Variants in CHD8 observed in about 807,000 individuals in gnomAD.
CHD8 encodes ATP-dependent chromatin remodeler CHD8.
A neutral mutation model predicts 279.2 loss-of-function variants in CHD8; 31 were observed. The observed-to-expected ratio is 0.11, with a 90% CI of 0.08 to 0.15. The LOEUF (loss-of-function observed/expected upper bound fraction) is 0.15. Ranked by LOEUF, CHD8 falls within the 10% of genes least tolerant of loss-of-function variation. The probability of loss-of-function intolerance (pLI) is 1.00; values close to 1 mark genes in which losing one functional copy is unlikely to be tolerated. For missense variants in CHD8, 2,146 were observed against 3,230.5 expected (o/e 0.66, Z 8.14); for synonymous variants, 1,081 against 1,139.6 (o/e 0.95, Z 1.04).
At chr14:21,387,809 CAAA>C (rs34063784) in intron 37 of CHD8, among the ~76,000 whole-genome samples, 26 of 76,148 alleles carry the variant, frequency 3.4e-4, no homozygotes, top group Non-Finnish European at 3.6e-4. Flanking sequence ...CTGTCTCAAG[CAAA>C]AAAAAAAAAA....
At chr14:21,409,256 C>T (rs1009289656) in intron 11 of CHD8, among the ~76,000 whole-genome samples, 8 of 152,136 alleles carry the variant, frequency 5.3e-5, no homozygotes, top group African/African-American at 1.9e-4. Flanking sequence ...ACATAAGGGA[C>T]AGAGAACATG....
intron 1 of CHD8, 78 bp from the exon 2 acceptor site, chr14:21,431,936 T>A: frequency 1.2e-6 from 1 of 854,576 alleles, no homozygotes. Context: ...TCTTACGTAC[T>A]GTTCTTAATA....
intron 1 of CHD8, among the ~76,000 whole-genome samples, chr14:21,447,373 C>T (rs1890151594): frequency 5.7e-5 from 8 of 141,312 alleles, no homozygotes; most frequent in Admixed American, 7.1e-5. Context: ...CACTATATCC[C>T]TTTTTTTTTT....
At position 21,405,332 on chromosome 14, in the gene CHD8, G is replaced by A. The variant is rs756137051; in HGVS notation, c.3184C>T (p.Arg1062Trp). The part of the protein sequence containing the change: ...ELTNIQKKYY[R>W]AILEKNFSFL... ...GAGAAATTCTTCTCCAAAATAGCCC[G>A]ATAGTATTTCTTCTGGATATTAGTC... is the stretch of plus-strand genomic sequence containing the variant. Residue 1062 changes from arginine to tryptophan, a missense_variant, in exon 16 of 38, where the codon CGG becomes TGG. By Grantham distance (101) the Arg-to-Trp change is moderately radical (BLOSUM62 -3). Coordinates refer to ENST00000646647, the MANE Select transcript of CHD8 (RefSeq NM_001170629.2). This position sits in a 1 kb window ranked among gnomAD's most constrained non-coding sequence, Gnocchi z 4.2. 1 of 1,608,578 alleles carries A rather than the reference G, an allele frequency of 6.2e-7. No homozygotes were observed. The highest frequency in any genetic ancestry group is 8.5e-7 in the Non-Finnish European group (1 of 1,177,036).
At chr14:21,422,329 CAAAA>C (rs1423529770) in intron 5 of CHD8, among the ~76,000 whole-genome samples, 1 of 150,612 alleles carries the variant, frequency 6.6e-6, no homozygotes, top group African/African-American at 2.4e-5. Context: ...GACCCTGTCT[CAAAA>C]AAAAGAAAAA....
intron 37 of CHD8, among the ~76,000 whole-genome samples, chr14:21,387,638 C>CAAA (rs34278173): frequency 7.3e-5 from 5 of 68,496 alleles, no homozygotes; most frequent in African/African-American, 1.8e-4. Flanking sequence ...AACTCTGTAT[C>CAAA]AAAAAAAAAA....
At chr14:21,390,907 T>C (rs778148688) in intron 37 of CHD8, 40 bp downstream of exon 37, 21 of 925,556 alleles carry the variant, frequency 2.3e-5, no homozygotes, top group Non-Finnish European at 3.5e-5. Context: ...ATCTCACATC[T>C]AGTGTGGGAA....
At chr14:21,412,204 G>A (rs1191420530) in intron 10 of CHD8, among the ~76,000 whole-genome samples, 1 of 152,092 alleles carries the variant, frequency 6.6e-6, no homozygotes, top group African/African-American at 2.4e-5. Flanking sequence ...GGAGTGCAAT[G>A]GCATGATCTT....
intron 1 of CHD8, among the ~76,000 whole-genome samples, chr14:21,452,055 G>C (rs988014700): frequency 6.6e-6 from 1 of 152,078 alleles, no homozygotes; most frequent in African/African-American, 2.4e-5. Flanking sequence ...TTTTGTTGTT[G>C]TTTTGAGACA....
chr14:21,395,959 T>C, intron 27 of CHD8, 67 bp from the exon 28 acceptor site: 2 of 1,013,602 alleles, frequency 2.0e-6, no homozygotes, highest in Non-Finnish European at 3.1e-6. Context: ...GAACCTAGGA[T>C]GAAGACCTAG....
chr14:21,431,326 G>C lies in CHD8; in HGVS notation c.318C>G (p.Ala106=). ...TTQPASQEQP[A]QPVLQTSTPT... is the part of the protein sequence containing the mutation. ...GCGTCGATGTCTGTAAGACAGGTTG[G>C]GCTGGCTGCTCCTGGCTGGCAGGCT... Residue 106 remains alanine (A), a synonymous_variant, in exon 2 of 38, where the codon GCC becomes GCG. Coordinates refer to ENST00000646647, the MANE Select transcript of CHD8 (RefSeq NM_001170629.2). 6.5e-7 allele frequency: 1 copy of C among 1,544,398 alleles called. No homozygotes were observed. The highest frequency in any genetic ancestry group is 8.7e-7 in the Non-Finnish European group (1 of 1,151,184).
At position 21,394,988 on chromosome 14, in the gene CHD8, G is replaced by A. The variant is rs1286064384; in HGVS notation, c.5314C>T (p.Arg1772Cys). The A allele has an allele frequency of 8.1e-6, 13 of 1,613,860 alleles. No homozygotes were observed. Among genetic ancestry groups the A allele is most frequent in the East Asian group, 2.2e-5 (1 of 44,892 alleles). Residue 1772 changes from arginine to cysteine, a missense_variant, in exon 30 of 38, where the codon CGT becomes TGT. Arg to Cys is a radical substitution (Grantham distance 180). Transcript: ENST00000646647. ...REQMKIEAAE[R>C]GDRRRRRCEA... Reference sequence around the variant, plus strand: ...CAACGCCGCCTTCGCCGGTCCCCACGTTCTGCAGCCTCTATCTTCATTTGT... The same window carrying A: ...CAACGCCGCCTTCGCCGGTCCCCACATTCTGCAGCCTCTATCTTCATTTGT...
At chr14:21,399,372 A>G in intron 26 of CHD8, 1 of 507,426 alleles carries the variant, frequency 2.0e-6, no homozygotes, top group South Asian at 2.1e-5. Context: ...ATTAGAGAAC[A>G]GATGGGAGGC....
intron 4 of CHD8, 116 bp downstream of exon 4, chr14:21,427,753 T>G (rs1889390026): frequency 2.0e-6 from 3 of 1,523,966 alleles, no homozygotes; most frequent in Non-Finnish European, 2.6e-6. Context: ...GCTCTTGCCC[T>G]TTGTTTTGGA....
chr14:21,429,531 C>T (rs1033839239), intron 2 of CHD8, 196 bp from the exon 3 acceptor site: 6 of 729,330 alleles, frequency 8.2e-6, no homozygotes, highest in Non-Finnish European at 9.9e-6. Flanking sequence ...CGCTGTATTG[C>T]CCAGGCTAGA....
intron 36 of CHD8, 45 bp downstream of exon 36, chr14:21,391,418 C>G (rs769747330): frequency 6.3e-7 from 1 of 1,575,322 alleles, no homozygotes; most frequent in Admixed American, 1.7e-5. Flanking sequence ...AGCTTAAATA[C>G]CAAAGGAATG....
chr14:21,403,633 C>A lies in CHD8; in HGVS notation c.3338G>T (p.Arg1113Leu), dbSNP rs182713755. Residue 1113 changes from arginine (R) to leucine (L), a missense_variant, in exon 17 of 38, where the codon CGT (arginine) becomes CTT (leucine). Physicochemically the swap from Arg to Leu is moderately radical, Grantham distance 102. Transcript: ENST00000646647. The surrounding 1 kb of genome is among the most constrained non-coding windows in gnomAD (Gnocchi z 4.3). ...GAEEKILTEF[R>L]EACHIIPHDF... ...ATGAGGTATAATATGGCAAGCTTCA[C>A]GGAATTCTGTTAGGATTTTTTCTTC... 2 of 1,600,788 alleles carry A rather than the reference C, an allele frequency of 1.2e-6. No individual in the cohort carries two copies. Among genetic ancestry groups the A allele is most frequent in the East Asian group, 2.2e-5 (1 of 44,560 alleles).
chr14:21,448,239 A>C (rs1890173444), intron 1 of CHD8, among the ~76,000 whole-genome samples: 1 of 152,372 alleles, frequency 6.6e-6, no homozygotes, highest in East Asian at 1.9e-4. Context: ...AACTGACCCC[A>C]GTGACATGGG....
At chr14:21,441,256 C>T (rs1889953451) in intron 1 of CHD8, among the ~76,000 whole-genome samples, 1 of 152,146 alleles carries the variant, frequency 6.6e-6, no homozygotes, top group Non-Finnish European at 1.5e-5. Flanking sequence ...GGTCTTCCCT[C>T]CTTTGATTTC....
Sources: allele counts gnomAD v4.1 joint callset (sites outside exome capture counted in the v4.1 genomes callset), GRCh38; gene constraint gnomAD v4.1.1; non-coding constraint Gnocchi (gnomAD v3.1); transcripts MANE v1.5; gene names NCBI Gene and HGNC (gene_info 2026-07-23, HGNC 2026-07-21).